The following CDK14 variants were observed in gnomAD, a reference collection of about 807,000 sequenced individuals.
The protein encoded by CDK14 is cyclin dependent kinase 14, also known as cyclin-dependent kinase 14.
In CDK14, 34 loss-of-function variants were observed where a neutral mutation model predicts 60.7. That is an observed-to-expected ratio of 0.56 (90% CI 0.43 to 0.75). The LOEUF (loss-of-function observed/expected upper bound fraction) is 0.75. Ranked by LOEUF, CDK14 falls within the 30% of genes least tolerant of loss-of-function variation. The pLI is 0.00. For missense variants in CDK14, 482 were observed against 564.1 expected (o/e 0.85, Z 1.47); for synonymous variants, 197 against 203.7 (o/e 0.97, Z 0.28).
At chr7:90,655,452 A>C (rs2213957) in intron 2 of CDK14, among the ~76,000 whole-genome samples, 116,043 of 151,974 alleles carry the variant, frequency 0.76, 44,945 homozygotes, top group East Asian at 0.96. Flanking sequence ...AAAGGGGTTT[A>C]TTTAAACTAG....
At chr7:91,059,190 A>T (rs1211497764) in intron 11 of CDK14, among the ~76,000 whole-genome samples, 1 of 152,196 alleles carries the variant, frequency 6.6e-6, no homozygotes, top group Non-Finnish European at 1.5e-5. Flanking sequence ...ATTTATTTAC[A>T]TAGAGGTGTT....
intron 7 of CDK14, among the ~76,000 whole-genome samples, chr7:90,915,375 G>T (rs1793048454): frequency 6.6e-6 from 1 of 152,188 alleles, no homozygotes; most frequent in African/African-American, 2.4e-5. Flanking sequence ...GGAGGCAGAG[G>T]TTGCAGTGAG....
intron 2 of CDK14, among the ~76,000 whole-genome samples, chr7:90,629,520 A>G (rs1799948150): frequency 6.6e-6 from 1 of 151,942 alleles, no homozygotes; most frequent in African/African-American, 2.4e-5. Flanking sequence ...CCTCTAATGG[A>G]GTGTTTTGGA....
At chr7:90,765,733 A>G (rs1804530270) in intron 4 of CDK14, among the ~76,000 whole-genome samples, 1 of 152,138 alleles carries the variant, frequency 6.6e-6, no homozygotes, top group Admixed American at 6.5e-5. Flanking sequence ...GCAGTGAGGC[A>G]GGGAAAGAAA....
At chr7:90,996,826 A>G (rs1795698367) in intron 10 of CDK14, among the ~76,000 whole-genome samples, 1 of 152,228 alleles carries the variant, frequency 6.6e-6, no homozygotes, top group Non-Finnish European at 1.5e-5. Context: ...TCTAGACATG[A>G]AAATTGTCAG....
chr7:90,864,137 A>G (rs1791099898), intron 6 of CDK14, among the ~76,000 whole-genome samples: 1 of 152,156 alleles, frequency 6.6e-6, no homozygotes, highest in Non-Finnish European at 1.5e-5. Flanking sequence ...CTTAAAAAAA[A>G]AAAGAATGAA....
chr7:90,599,696 A>C (rs890726366), intron 1 of CDK14, among the ~76,000 whole-genome samples: 5 of 152,258 alleles, frequency 3.3e-5, no homozygotes, highest in African/African-American at 1.2e-4. Flanking sequence ...TGAATAATCC[A>C]CACTGCAACA....
chr7:90,649,236 G>GTCTC (rs1800535017), intron 2 of CDK14, among the ~76,000 whole-genome samples: 1 of 118,770 alleles, frequency 8.4e-6, no homozygotes, highest in African/African-American at 3.2e-5. Context: ...CTAGCCTATA[G>GTCTC]TTTCTTTCTT....
chr7:91,090,214 C>T (rs1798760119), intron 12 of CDK14, among the ~76,000 whole-genome samples: 1 of 152,132 alleles, frequency 6.6e-6, no homozygotes, highest in Non-Finnish European at 1.5e-5. Context: ...TTTTCTCAAT[C>T]CAGTCTCTAC....
chr7:90,854,142 G>T (rs547026259), intron 5 of CDK14, among the ~76,000 whole-genome samples: 2 of 152,302 alleles, frequency 1.3e-5, no homozygotes, highest in Admixed American at 6.5e-5. Context: ...AGATACAGAT[G>T]TGTAAATCTT....
chr7:90,854,515 C>A (rs1041922699), intron 5 of CDK14, among the ~76,000 whole-genome samples: 1 of 152,072 alleles, frequency 6.6e-6, no homozygotes, highest in African/African-American at 2.4e-5. Flanking sequence ...GGCAATAGAG[C>A]AAGACCCTGC....
At chr7:90,963,434 T>C (rs142720301) in intron 9 of CDK14, among the ~76,000 whole-genome samples, 146 of 151,860 alleles carry the variant, frequency 9.6e-4, no homozygotes, top group African/African-American at 3.3e-3. Context: ...TAAAAAAAAA[T>C]AGAAGTACAT....
At chr7:91,034,729 G>A (rs974152963) in intron 10 of CDK14, among the ~76,000 whole-genome samples, 4 of 152,056 alleles carry the variant, frequency 2.6e-5, no homozygotes, top group Admixed American at 6.6e-5. Flanking sequence ...AGATTCTGCT[G>A]CTCCGCAAAA....
chr7:91,168,266 A>AG (rs1385743761), intron 14 of CDK14, among the ~76,000 whole-genome samples: 1 of 151,910 alleles, frequency 6.6e-6, no homozygotes, highest in African/African-American at 2.4e-5. Context: ...GTCTCAAAAA[A>AG]AAAAAAAAAA....
chr7:90,660,698 TATTCA>T (rs1338617455), intron 2 of CDK14, among the ~76,000 whole-genome samples: 2 of 152,246 alleles, frequency 1.3e-5, no homozygotes, highest in African/African-American at 2.4e-5. Flanking sequence ...TTATAAACTG[TATTCA>T]ATTCAATGAT....
chr7:91,059,383 G>GT (rs1320314678), intron 11 of CDK14, among the ~76,000 whole-genome samples: 16 of 151,962 alleles, frequency 1.1e-4, no homozygotes, highest in African/African-American at 3.4e-4. Context: ...TTTTTGAAGG[G>GT]TTTTTTGTGT....
At chr7:90,644,734 T>G (rs980068612) in intron 2 of CDK14, among the ~76,000 whole-genome samples, 2 of 152,174 alleles carry the variant, frequency 1.3e-5, no homozygotes, top group Non-Finnish European at 2.9e-5. Flanking sequence ...TTCTTGGACA[T>G]CAGTTTGGGA....
intron 10 of CDK14, among the ~76,000 whole-genome samples, chr7:91,040,955 G>C (rs1016860837): frequency 2.0e-5 from 3 of 152,194 alleles, no homozygotes; most frequent in Non-Finnish European, 4.4e-5. Context: ...TAGAAGTTTA[G>C]AATTTGCTTT....
chr7:90,757,795 G>T (rs561602883), intron 4 of CDK14, among the ~76,000 whole-genome samples: 150 of 152,126 alleles, frequency 9.9e-4, no homozygotes, highest in African/African-American at 3.5e-3. Flanking sequence ...TAGAGACGGG[G>T]TTTTGCCATG....
Sources: gnomAD v4.1 joint callset for allele counts (sites outside exome capture counted in the v4.1 genomes callset) on GRCh38, gnomAD v4.1.1 for gene constraint, MANE v1.5 for transcripts, NCBI Gene and HGNC (gene_info 2026-07-23, HGNC 2026-07-21) for gene names.